CFAP43: variants seen among roughly 807,000 people sequenced by gnomAD.
CFAP43 encodes cilia- and flagella-associated protein 43.
A neutral mutation model predicts 218.9 loss-of-function variants in CFAP43; 155 were observed. That is an observed-to-expected ratio of 0.71 (90% CI 0.62 to 0.81). The LOEUF (loss-of-function observed/expected upper bound fraction) is 0.81, where lower values mean the gene tolerates loss of function less well. CFAP43 is among the 30% of genes least tolerant of loss of function. CFAP43 has a pLI of 0.00. For synonymous variants in CFAP43, 645 were observed against 681.3 expected (o/e 0.95, Z 0.83); for missense variants, 1,778 against 1,954.3 (o/e 0.91, Z 1.70).
intron 24 of CFAP43, 73 bp from the exon 25 acceptor site, chr10:104,162,476 G>A: frequency 6.9e-6 from 9 of 1,295,674 alleles, no homozygotes; most frequent in Non-Finnish European, 9.0e-6. Context: ...CACATACTGG[G>A]AGGAGGCTGG....
chr10:104,155,268 A>T (rs1339963617), intron 27 of CFAP43, among the ~76,000 whole-genome samples: 2 of 152,096 alleles, frequency 1.3e-5, no homozygotes, highest in East Asian at 3.9e-4. Flanking sequence ...GGCTCCCTTG[A>T]TCATCCAAGG....
intron 22 of CFAP43, among the ~76,000 whole-genome samples, chr10:104,167,361 G>A (rs1001112736): frequency 6.6e-6 from 1 of 152,194 alleles, no homozygotes; most frequent in African/African-American, 2.4e-5. Flanking sequence ...GATAAGAGCA[G>A]AACACCAAAT....
chr10:104,157,094 A>C (rs1168495971), intron 27 of CFAP43, among the ~76,000 whole-genome samples: 2 of 152,252 alleles, frequency 1.3e-5, no homozygotes, highest in Non-Finnish European at 2.9e-5. Context: ...CTTAAAGCTG[A>C]AAACCTGAAC....
chr10:104,161,770 T>C (rs1209365943), intron 26 of CFAP43, among the ~76,000 whole-genome samples, 191 bp downstream of exon 26: 4 of 152,056 alleles, frequency 2.6e-5, no homozygotes, highest in African/African-American at 9.7e-5. Flanking sequence ...CCTCCTCAAG[T>C]GCTGGGATTA....
chr10:104,223,522 G>C (rs926261273), intron 3 of CFAP43, among the ~76,000 whole-genome samples: 3 of 152,200 alleles, frequency 2.0e-5, no homozygotes, highest in African/African-American at 7.2e-5. Flanking sequence ...GTGGAGCCAG[G>C]ATTCAGGTCT....
chr10:104,152,460 A>C, intron 28 of CFAP43, 147 bp downstream of exon 28: 4 of 1,031,838 alleles, frequency 3.9e-6, no homozygotes, highest in Non-Finnish European at 5.6e-6. Flanking sequence ...GTAAAGGGGA[A>C]GGTGCACAAG....
At chr10:104,132,062 G>C in intron 36 of CFAP43, 54 bp downstream of exon 36, 11 of 1,334,418 alleles carry the variant, frequency 8.2e-6, no homozygotes, top group Non-Finnish European at 1.1e-5. Context: ...CTATTACTTT[G>C]CTCAAATGAT....
chr10:104,216,042 C>T (rs1050966633), intron 3 of CFAP43, among the ~76,000 whole-genome samples: 1 of 152,054 alleles, frequency 6.6e-6, no homozygotes, highest in Non-Finnish European at 1.5e-5. Context: ...TCCATACCAT[C>T]CTCAAAAGAA....
intron 28 of CFAP43, among the ~76,000 whole-genome samples, chr10:104,148,206 C>T (rs1162445447): frequency 6.6e-6 from 1 of 152,102 alleles, no homozygotes; most frequent in African/African-American, 2.4e-5. Flanking sequence ...AGGTAAATCA[C>T]ATATACAAAA....
Position 104,143,518 on chromosome 10 carries a change from C to T in CFAP43, c.4066G>A (p.Asp1356Asn). 1 of 1,614,200 alleles carries T rather than the reference C, an allele frequency of 6.2e-7. No homozygotes were observed. The highest frequency in any genetic ancestry group is 1.3e-5 in the African/African-American group (1 of 75,066). Residue 1356 changes from aspartate to asparagine, a missense_variant, in exon 32 of 38, where the codon GAC becomes AAC. Physicochemically the swap from Asp to Asn is conservative, Grantham distance 23 (BLOSUM62 1). This residue lies in a region of CFAP43 where 1,553 missense variants were observed against 1,685.2 expected (regional missense o/e 0.92). Coordinates refer to ENST00000357060, the MANE Select transcript of CFAP43 (RefSeq NM_025145.7). Reference sequence around the variant, plus strand: ...CCTTCTGGCATGTTACTAATATTGTCCAACTCATCCATAGCTTTCATTAAC... The same window carrying T: ...CCTTCTGGCATGTTACTAATATTGTTCAACTCATCCATAGCTTTCATTAAC... ...AQLMKAMDELDNISNMPEGLD... is the reference protein window; with the variant it reads ...AQLMKAMDELNNISNMPEGLD...
intron 27 of CFAP43, among the ~76,000 whole-genome samples, chr10:104,159,966 C>T (rs1409597471): frequency 1.3e-5 from 2 of 152,100 alleles, no homozygotes; most frequent in Admixed American, 6.6e-5. Context: ...AGTAGCATTG[C>T]GGACCAGCTC....
At chr10:104,191,424 T>C (rs911637851) in intron 12 of CFAP43, among the ~76,000 whole-genome samples, 1 of 152,052 alleles carries the variant, frequency 6.6e-6, no homozygotes, top group African/African-American at 2.4e-5. Context: ...CCTATGAAAA[T>C]CCTTCAAACC....
At chr10:104,160,353 A>C (rs1005714339) in intron 27 of CFAP43, among the ~76,000 whole-genome samples, 2 of 152,264 alleles carry the variant, frequency 1.3e-5, no homozygotes, top group Non-Finnish European at 2.9e-5. Context: ...ACAGGTTCAC[A>C]ACAGATTCAA....
rs202215418 is a variant in CFAP43, at chr10:104,166,614, A to G, written c.2913T>C (p.Tyr971=). 4 of 1,614,172 alleles carry G rather than the reference A, an allele frequency of 2.5e-6. No individual in the cohort carries two copies. The highest frequency in any genetic ancestry group is 1.7e-5 in the Admixed American group (1 of 60,032). The change falls in exon 23 of 38, where the codon TAT becomes TAC. Residue 971 remains tyrosine (Y), a synonymous_variant. Coordinates refer to ENST00000357060, the MANE Select transcript of CFAP43 (RefSeq NM_025145.7). ...EEEEEDKTVK[Y]SNLPNYLLGS... ...CAAGCAGGTAATTGGGCAAATTGCTATATTTTACTGTCTTGTCTTCCTCTT... is the reference window on the plus strand; with the variant it reads ...CAAGCAGGTAATTGGGCAAATTGCTGTATTTTACTGTCTTGTCTTCCTCTT...
intron 37 of CFAP43, among the ~76,000 whole-genome samples, chr10:104,130,514 A>G (rs756275636): frequency 3.3e-5 from 5 of 152,202 alleles, no homozygotes; most frequent in Non-Finnish European, 7.3e-5. Context: ...AATGTGGTAC[A>G]TATACACCAT....
At chr10:104,179,705 C>T in intron 18 of CFAP43, 135 bp downstream of exon 18, 1 of 671,610 alleles carries the variant, frequency 1.5e-6, no homozygotes, top group Non-Finnish European at 2.6e-6. Flanking sequence ...AAAAGTTACA[C>T]CTGTATGTTG....
chr10:104,162,385 T>C lies in CFAP43; in HGVS notation c.3265A>G (p.Ile1089Val), dbSNP rs949742986. 1 of 1,613,970 alleles carries C rather than the reference T, an allele frequency of 6.2e-7. No individual in the cohort carries two copies. The highest frequency in any genetic ancestry group is 1.3e-5 in the African/African-American group (1 of 74,950). Residue 1089 changes from isoleucine (I) to valine (V), a missense_variant, in exon 25 of 38, where the codon ATT becomes GTT. Ile to Val is a conservative substitution (Grantham distance 29). This residue lies in a region of CFAP43 where 1,553 missense variants were observed against 1,685.2 expected (regional missense o/e 0.92). Transcript: ENST00000357060. ...TCTTTGGCTTTGTGCCACGGCTTAA[T>C]GTGTTTGTGGGCTGTAATCTGAAAG... The part of the protein sequence containing the change: ...QDEEITAHKH[I>V]KPWHKAKELI...
chr10:104,173,390 C>T (rs2089487838), intron 19 of CFAP43, among the ~76,000 whole-genome samples: 1 of 152,178 alleles, frequency 6.6e-6, no homozygotes, highest in South Asian at 2.1e-4. Context: ...TGAATGCCCT[C>T]AGCACAGCAC....
At position 104,191,597 on chromosome 10, in the gene CFAP43, T is replaced by C. The variant is rs565456244; in HGVS notation, c.1546+602A>G. 2.0e-5 allele frequency among the ~76,000 whole-genome samples: 3 copies of C among 152,256 alleles called. No homozygotes were observed. In the South Asian group the frequency reaches 6.2e-4, roughly 32 times the overall value. Reference sequence around the variant, plus strand: ...CACACCATTCTGCATTTTCCTCCTCTACTAAATTGTCTCCTTAATATTTTC... The same window carrying C: ...CACACCATTCTGCATTTTCCTCCTCCACTAAATTGTCTCCTTAATATTTTC... On this transcript the variant is annotated intron_variant, in intron 12 of 37. Transcript: ENST00000357060.
Sources: allele counts gnomAD v4.1 joint callset (sites outside exome capture counted in the v4.1 genomes callset), GRCh38; gene constraint gnomAD v4.1.1; regional missense constraint gnomAD v4.1.1; transcripts MANE v1.5; gene names NCBI Gene and HGNC (gene_info 2026-07-23, HGNC 2026-07-21).